The following MAP3K13 variants were observed in gnomAD, a reference collection of about 807,000 sequenced individuals.
The protein encoded by MAP3K13 is leucine zipper-bearing kinase.
In MAP3K13, 52 loss-of-function variants were observed where a neutral mutation model predicts 104.0. That is an observed-to-expected ratio of 0.50 (90% CI 0.40 to 0.63). The LOEUF is 0.63. Ranked by LOEUF, MAP3K13 falls within the 20% of genes least tolerant of loss-of-function variation. The probability of loss-of-function intolerance (pLI) is 0.00; values close to 1 mark genes in which losing one functional copy is unlikely to be tolerated. For missense variants in MAP3K13, 914 were observed against 1,218.5 expected, an observed-to-expected ratio of 0.75 and a Z score of 3.72; for synonymous variants, 394 against 442.2, an observed-to-expected ratio of 0.89 and a Z score of 1.37.
At chr3:185,472,358 A>G (rs1347414707) in intron 10 of MAP3K13, among the ~76,000 whole-genome samples, 1 of 151,838 alleles carries the variant, frequency 6.6e-6, no homozygotes, top group South Asian at 2.1e-4. Context: ...GACTACAGGC[A>G]TGCACCACCA....
chr3:185,333,936 C>A (rs1294272875), intron 2 of MAP3K13, among the ~76,000 whole-genome samples: 1 of 152,116 alleles, frequency 6.6e-6, no homozygotes, highest in East Asian at 1.9e-4. Context: ...CACCTGTAGT[C>A]TCAGCTACTC....
chr3:185,451,022 G>A (rs1344668758), intron 6 of MAP3K13, among the ~76,000 whole-genome samples: 2 of 152,126 alleles, frequency 1.3e-5, no homozygotes, highest in Admixed American at 6.5e-5. Flanking sequence ...CCCAGGAGGC[G>A]GAGCTTGCAG....
At chr3:185,462,328 T>C (rs1717154135) in intron 7 of MAP3K13, among the ~76,000 whole-genome samples, 1 of 152,232 alleles carries the variant, frequency 6.6e-6, no homozygotes. Flanking sequence ...TCCTTTCTAA[T>C]ACTTCTGTAC....
At chr3:185,392,679 G>A (rs546075727) in intron 1 of MAP3K13, among the ~76,000 whole-genome samples, 31 of 152,280 alleles carry the variant, frequency 2.0e-4, no homozygotes, top group Non-Finnish European at 4.1e-4. Flanking sequence ...ACATGCTGAA[G>A]AAATCACTCT....
chr3:185,359,930 T>C (rs1270828251), upstream of MAP3K13, among the ~76,000 whole-genome samples: 1 of 151,666 alleles, frequency 6.6e-6, no homozygotes, highest in Non-Finnish European at 1.5e-5. Flanking sequence ...TAAAAACACA[T>C]TTTTTTCCTC....
intron 1 of MAP3K13, among the ~76,000 whole-genome samples, chr3:185,369,329 G>A (rs889159506): frequency 2.6e-5 from 4 of 152,194 alleles, no homozygotes; most frequent in Admixed American, 2.6e-4. Context: ...GGGGTCAGTG[G>A]TTGACCTAGT....
chr3:185,410,780 C>G (rs552408373), intron 1 of MAP3K13, among the ~76,000 whole-genome samples: 4 of 152,016 alleles, frequency 2.6e-5, no homozygotes, highest in Admixed American at 2.6e-4. Flanking sequence ...ACTGAAAATA[C>G]AAAAATTAGC....
rs912263658 is a variant in MAP3K13 at position 185,327,107 on chromosome 3, A to G, written c.-86+41464A>G. Among the ~76,000 whole-genome samples, 7 of 152,150 alleles carry G rather than the reference A, an allele frequency of 4.6e-5. No individual in the cohort carries two copies. In the East Asian group the frequency reaches 1.3e-3, roughly 29 times the overall value. On this transcript the variant is annotated intron_variant, in intron 2 of 14. Transcript: ENST00000424227. The stretch of plus-strand genomic sequence containing the variant: ...CTAAACCAGGGTGTCATCAGGGCGG[A>G]CACTCTGGGGAAAAATCAGTTTCCT...
intron 1 of MAP3K13, among the ~76,000 whole-genome samples, chr3:185,408,703 C>T (rs1263170982): frequency 6.6e-6 from 1 of 152,188 alleles, no homozygotes; most frequent in East Asian, 1.9e-4. Context: ...GACTTCACAG[C>T]AGATAAGTGG....
chr3:185,445,442 C>T (rs1315926017), intron 4 of MAP3K13, among the ~76,000 whole-genome samples: 3 of 152,170 alleles, frequency 2.0e-5, no homozygotes, highest in South Asian at 2.1e-4. Context: ...TCATTTCTTC[C>T]GTTCACATTC....
exon 1 of MAP3K13, chr3:185,282,992 G>A (rs1009647381): frequency 6.6e-6 from 1 of 152,484 alleles, no homozygotes; most frequent in Non-Finnish European, 1.5e-5. Flanking sequence ...GGGGCGGAGC[G>A]TCTGGGATGC....
At chr3:185,428,303 C>T (rs1432999414) in intron 1 of MAP3K13, among the ~76,000 whole-genome samples, 194 bp from the exon 2 acceptor site, 1 of 151,920 alleles carries the variant, frequency 6.6e-6, no homozygotes, top group Admixed American at 6.6e-5. Context: ...ATTAATGTGT[C>T]ATGGATATTT....
chr3:185,393,497 T>C (rs1382768896), intron 1 of MAP3K13, among the ~76,000 whole-genome samples: 3 of 151,812 alleles, frequency 2.0e-5, no homozygotes, highest in East Asian at 1.9e-4. Context: ...CTCGCTCTGT[T>C]GTCCAGGCTG....
chr3:185,425,896 A>G (rs1010646394), intron 1 of MAP3K13, among the ~76,000 whole-genome samples: 3 of 152,132 alleles, frequency 2.0e-5, no homozygotes, highest in Non-Finnish European at 4.4e-5. Context: ...TCTTTGTCCC[A>G]TATCTAACTA....
intron 7 of MAP3K13, among the ~76,000 whole-genome samples, chr3:185,455,854 G>GAT (rs1716688172): frequency 1.4e-5 from 1 of 73,146 alleles, no homozygotes; most frequent in Non-Finnish European, 2.9e-5. Context: ...AGATATATAT[G>GAT]AGATATATAT....
chr3:185,291,202 A>G (rs1720723589), intron 2 of MAP3K13, among the ~76,000 whole-genome samples: 1 of 152,224 alleles, frequency 6.6e-6, no homozygotes, highest in Non-Finnish European at 1.5e-5. Context: ...ACATCATTTT[A>G]TGCTATCTCT....
At chr3:185,326,840 A>G (rs140106768) in intron 2 of MAP3K13, among the ~76,000 whole-genome samples, 8 of 152,372 alleles carry the variant, frequency 5.3e-5, no homozygotes, top group Admixed American at 4.6e-4. Context: ...ATTTGCATTT[A>G]TAAAAGTACA....
chr3:185,349,162 G>A (rs1203889024), intron 2 of MAP3K13, among the ~76,000 whole-genome samples: 1 of 151,376 alleles, frequency 6.6e-6, no homozygotes, highest in Non-Finnish European at 1.5e-5. Context: ...AGGGGCACAT[G>A]TGCAGGTTTG....
intron 2 of MAP3K13, chr3:185,329,318 A>G (rs1722161572): frequency 2.9e-6 from 2 of 695,956 alleles, no homozygotes; most frequent in Non-Finnish European, 5.2e-6. Flanking sequence ...TGTTCTTTCC[A>G]GTTGCTTTTC....
Sources: gnomAD v4.1 joint callset for allele counts (sites outside exome capture counted in the v4.1 genomes callset) on GRCh38, gnomAD v4.1.1 for gene constraint, MANE v1.5 for transcripts, NCBI Gene and HGNC (gene_info 2026-07-23, HGNC 2026-07-21) for gene names.